The following ZFP90 variants were observed in gnomAD, a reference collection of about 807,000 sequenced individuals.
ZFP90 encodes the protein zinc finger protein 90 homolog.
Under a neutral mutation model 60.8 loss-of-function variants are expected in ZFP90, and 38 were observed. The observed-to-expected ratio is 0.62, with a 90% confidence interval of 0.48 to 0.82. ZFP90 has a LOEUF of 0.82. Among genes scored for constraint, ZFP90 ranks in the 40% least tolerant of loss-of-function variants. ZFP90 has a pLI of 0.00. For missense variants in ZFP90, 711 were observed against 759.1 expected, an observed-to-expected ratio of 0.94 and a Z score of 0.74; for synonymous variants, 287 against 264.8, an observed-to-expected ratio of 1.08 and a Z score of -0.82.
upstream of ZFP90, among the ~76,000 whole-genome samples, chr16:68,537,585 T>G (rs1381582495): frequency 1.3e-5 from 2 of 152,080 alleles, no homozygotes; most frequent in Non-Finnish European, 2.9e-5. Flanking sequence ...ATATATTTTT[T>G]GAGACAGTCT....
intron 2 of ZFP90, among the ~76,000 whole-genome samples, chr16:68,549,678 C>CAA (rs35335958): frequency 0.015 from 914 of 62,922 alleles, 73 homozygotes; most frequent in African/African-American, 0.034. Flanking sequence ...GACTCCATCT[C>CAA]AAAAAAAAAA....
intron 2 of ZFP90, among the ~76,000 whole-genome samples, chr16:68,572,149 G>A (rs969859151): frequency 5.3e-5 from 8 of 150,694 alleles, no homozygotes; most frequent in Non-Finnish European, 1.0e-4. Flanking sequence ...AGGACTACAG[G>A]TGCATGCCAC....
At chr16:68,549,048 C>T (rs371284114) in intron 2 of ZFP90, among the ~76,000 whole-genome samples, 5 of 152,190 alleles carry the variant, frequency 3.3e-5, no homozygotes, top group East Asian at 3.9e-4. Flanking sequence ...ACTCAGCAGA[C>T]GTGTTTGGAA....
chr16:68,541,976 A>G (rs898490108), intron 2 of ZFP90, among the ~76,000 whole-genome samples: 2 of 152,198 alleles, frequency 1.3e-5, no homozygotes, highest in African/African-American at 4.8e-5. Flanking sequence ...CATGTGGGTT[A>G]TCTAACTCAG....
chr16:68,564,841 A>AAT lies in ZFP90; in HGVS notation c.*143_*144insAT. ...TGTGGAGAAAACTGCCAGTAGACAG[A>AAT]TTTTTTTTTTTTAACATAAAGACAC... On this transcript the variant is annotated 3_prime_UTR_variant, in exon 5 of 5. Transcript: ENST00000563169. 2 of 1,343,784 alleles carry AAT rather than the reference A, an allele frequency of 1.5e-6. No homozygotes were observed. Among genetic ancestry groups the AAT allele is most frequent in the South Asian group, 1.9e-5 (1 of 53,112 alleles). The allele number at this position is 1,343,784 out of a possible 1,614,324, so 83.2% of individuals were successfully genotyped here.
rs1357731957 is a variant in ZFP90, at chr16:68,554,651, A to G, written c.34-3347A>G. Among the ~76,000 whole-genome samples, 3 of 152,180 alleles carry G rather than the reference A, an allele frequency of 2.0e-5. No homozygotes were observed. In the East Asian group the frequency reaches 5.8e-4, roughly 29 times the overall value. ...TTGAGTGCAGACTCTTTGGGAAAGC[A>G]GAATGAAACCAGGAGGCCGGCCAGG... On this transcript the variant is annotated intron_variant, in intron 2 of 4. Coordinates refer to ENST00000563169, the MANE Select transcript of ZFP90 (RefSeq NM_001305203.2).
intron 2 of ZFP90, among the ~76,000 whole-genome samples, chr16:68,549,942 C>G (rs903799354): frequency 3.9e-5 from 6 of 151,988 alleles, no homozygotes; most frequent in Non-Finnish European, 8.8e-5. Context: ...GTTACTGGGC[C>G]AAAGAGTCCA....
chr16:68,562,745 A>T, intron 4 of ZFP90: 1 of 557,772 alleles, frequency 1.8e-6, no homozygotes, highest in Admixed American at 3.3e-5. Context: ...ATGGGCTGTG[A>T]TCCTGTTCCA....
At chr16:68,538,960 G>T (rs1039716768), upstream of ZFP90, among the ~76,000 whole-genome samples, 4 of 152,300 alleles carry the variant, frequency 2.6e-5, no homozygotes, top group Admixed American at 2.6e-4. Flanking sequence ...CTGAAGTCAG[G>T]ACCTGACATT....
intron 4 of ZFP90, among the ~76,000 whole-genome samples, chr16:68,559,613 G>A (rs1288029557): frequency 6.6e-6 from 1 of 152,000 alleles, no homozygotes; most frequent in East Asian, 1.9e-4. Context: ...TGTCACCCAC[G>A]CTGGAGTGCA....
At chr16:68,575,188 G>C (rs911185556) in intron 2 of ZFP90, among the ~76,000 whole-genome samples, 3 of 152,224 alleles carry the variant, frequency 2.0e-5, no homozygotes, top group African/African-American at 7.2e-5. Flanking sequence ...TGCCACAGGA[G>C]GCACCTCATC....
intron 2 of ZFP90, among the ~76,000 whole-genome samples, chr16:68,544,813 C>T (rs906933621): frequency 6.0e-5 from 9 of 149,974 alleles, no homozygotes; most frequent in African/African-American, 1.7e-4. Flanking sequence ...TGCACCTTCC[C>T]GTGTAACGTT....
chr16:68,546,590 A>G (rs576031171), intron 2 of ZFP90, among the ~76,000 whole-genome samples: 1 of 152,294 alleles, frequency 6.6e-6, no homozygotes, highest in South Asian at 2.1e-4. Flanking sequence ...ATCTCGGCTC[A>G]CTGCATCCTC....
chr16:68,569,136 C>CTT (rs35827680), downstream of ZFP90, among the ~76,000 whole-genome samples: 288 of 123,018 alleles, frequency 2.3e-3, 22 homozygotes, highest in Middle Eastern at 0.01. Context: ...ATTAGTCCCA[C>CTT]TTTTTTTTTT....
intron 2 of ZFP90, among the ~76,000 whole-genome samples, chr16:68,547,122 T>C (rs1212276272): frequency 6.6e-6 from 1 of 152,210 alleles, no homozygotes; most frequent in Non-Finnish European, 1.5e-5. Flanking sequence ...TTTAAATTCT[T>C]TTGGTTATAT....
At position 68,564,577 on chromosome 16, in the gene ZFP90, A is replaced by G. The variant is rs766718539; in HGVS notation, c.1790A>G (p.His597Arg). 3.7e-6 allele frequency: 6 copies of G among 1,614,078 alleles called. No individual in the cohort carries two copies. Among genetic ancestry groups the G allele is most frequent in the Non-Finnish European group, 4.2e-6 (5 of 1,179,974 alleles). The change falls in exon 5 of 5, where the codon CAT (histidine) becomes CGT (arginine). Residue 597 changes from histidine (H) to arginine (R), a missense_variant. Physicochemically the swap from His to Arg is conservative, Grantham distance 29. Around this residue, in one of 5 missense-constraint regions of ZFP90, gnomAD observed 295 missense variants for 274.0 expected, o/e 1.08. Coordinates refer to ENST00000563169, the MANE Select transcript of ZFP90 (RefSeq NM_001305203.2). ...GCCTTCCGAAAAAAAACCAACCTGC[A>G]TGATCATCAGAGAATTCATACTGGA... Reference protein sequence around the residue: ...GRAFRKKTNLHDHQRIHTGEK... With the variant: ...GRAFRKKTNLRDHQRIHTGEK...
rs1882098146 is a variant in ZFP90 at position 68,565,079 on chromosome 16, T to G, written c.*381T>G. 1.3e-5 allele frequency: 13 copies of G among 998,306 alleles called. 1 individual carries two copies. In the South Asian group the frequency reaches 5.4e-4, roughly 41 times the overall value. The allele number at this position is 998,306 out of a possible 1,614,324, so 61.8% of individuals were successfully genotyped here. On this transcript the variant is annotated 3_prime_UTR_variant, in exon 5 of 5. Transcript: ENST00000563169. ...ACCAAAACCCATTTTAAAAATTGCT[T>G]GACAACTGCACTCAACTGCAGCTCT...
chr16:68,543,011 A>G (rs952875923), intron 2 of ZFP90, among the ~76,000 whole-genome samples: 3 of 152,096 alleles, frequency 2.0e-5, no homozygotes, highest in African/African-American at 7.2e-5. Flanking sequence ...AGGTAGAGAA[A>G]GGTAAGGGGG....
At chr16:68,556,138 C>T (rs1002238425) in intron 2 of ZFP90, among the ~76,000 whole-genome samples, 1 of 152,168 alleles carries the variant, frequency 6.6e-6, no homozygotes, top group Non-Finnish European at 1.5e-5. Context: ...CCACTGGACT[C>T]CAAGCTGGGT....
Sources: gnomAD v4.1 joint callset for allele counts (sites outside exome capture counted in the v4.1 genomes callset) on GRCh38, gnomAD v4.1.1 for gene constraint, gnomAD v4.1.1 regional missense constraint, MANE v1.5 for transcripts, NCBI Gene and HGNC (gene_info 2026-07-23, HGNC 2026-07-21) for gene names.